Variants in IGSF11 observed in about 807,000 individuals in gnomAD.
The protein encoded by IGSF11 is CXADR like 1.
In IGSF11, 22 loss-of-function variants were observed where a neutral mutation model predicts 41.0. The observed-to-expected ratio is 0.54, with a 90% CI of 0.38 to 0.77. IGSF11 has a LOEUF of 0.77. Among genes scored for constraint, IGSF11 ranks in the 30% least tolerant of loss-of-function variants. IGSF11 has a pLI of 0.00. For missense variants in IGSF11, 444 were observed against 530.8 expected (o/e 0.84, Z 1.61); for synonymous variants, 219 against 201.3 (o/e 1.09, Z -0.74).
intron 1 of IGSF11, among the ~76,000 whole-genome samples, chr3:119,083,528 ACACACACAAAC>A (rs2076619718): frequency 1.0e-4 from 12 of 114,904 alleles, no homozygotes; most frequent in African/African-American, 3.4e-4. Context: ...ACACACACAC[ACACACACAAAC>A]ACACACACAC....
At chr3:118,962,299 CTATAATT>C (rs1945386747) in intron 1 of IGSF11, among the ~76,000 whole-genome samples, 1 of 152,078 alleles carries the variant, frequency 6.6e-6, no homozygotes, top group African/African-American at 2.4e-5. Context: ...AATTACATGA[CTATAATT>C]TATAAGTTTT....
intron 1 of IGSF11, among the ~76,000 whole-genome samples, chr3:119,032,714 C>G (rs559589628): frequency 1.3e-5 from 2 of 152,328 alleles, no homozygotes; most frequent in East Asian, 3.9e-4. Flanking sequence ...AAAAAGTAAA[C>G]TTTTCCAAGA....
intron 4 of IGSF11, among the ~76,000 whole-genome samples, chr3:118,922,712 C>T (rs1941929805): frequency 6.6e-6 from 1 of 152,048 alleles, no homozygotes; most frequent in Admixed American, 6.6e-5. Context: ...ATTTTATAAG[C>T]AACAGAAATT....
At position 118,902,466 on chromosome 3, in the gene IGSF11, C is replaced by CCA; in HGVS notation, c.*53_*54insTG. 1 of 878,260 alleles carries CCA rather than the reference C, an allele frequency of 1.1e-6. No individual in the cohort carries two copies. The highest frequency in any genetic ancestry group is 1.8e-6 in the Non-Finnish European group (1 of 544,878). The allele number at this position is 878,260 out of a possible 1,614,324, so 54.4% of individuals were successfully genotyped here. On this transcript the variant is annotated 3_prime_UTR_variant, in exon 7 of 7. Coordinates refer to ENST00000393775, the MANE Select transcript of IGSF11 (RefSeq NM_001015887.3). ...CAGCACTCCCCACCCCACCCTCCCCCTTGTATGAGGGCATTCCATTTATTC... is the reference window on the plus strand; with the variant it reads ...CAGCACTCCCCACCCCACCCTCCCCCCATTGTATGAGGGCATTCCATTTATTC...
chr3:118,903,693 A>T (rs1197625550), intron 6 of IGSF11, among the ~76,000 whole-genome samples: 1 of 152,214 alleles, frequency 6.6e-6, no homozygotes, highest in Non-Finnish European at 1.5e-5. Context: ...TTCATTTAAC[A>T]TTTATTGGGT....
At chr3:119,135,046 T>G (rs1319143720) in intron 1 of IGSF11, among the ~76,000 whole-genome samples, 2 of 152,156 alleles carry the variant, frequency 1.3e-5, no homozygotes. Flanking sequence ...CCTTACACCT[T>G]ACAGAAAAAT....
At chr3:118,957,181 G>A (rs1945021788) in intron 1 of IGSF11, among the ~76,000 whole-genome samples, 1 of 152,242 alleles carries the variant, frequency 6.6e-6, no homozygotes, top group Admixed American at 6.5e-5. Context: ...AGAAAAAAAG[G>A]TGAATTCCTC....
chr3:119,137,467 G>A (rs924287317), intron 1 of IGSF11, among the ~76,000 whole-genome samples: 17 of 152,192 alleles, frequency 1.1e-4, no homozygotes, highest in South Asian at 4.1e-4. Context: ...CATACATTGC[G>A]GAAAGGACAG....
At chr3:119,131,998 T>A (rs900453831) in intron 1 of IGSF11, among the ~76,000 whole-genome samples, 3 of 152,018 alleles carry the variant, frequency 2.0e-5, no homozygotes, top group East Asian at 1.9e-4. Flanking sequence ...GACAAGCAAA[T>A]GCTGAGAGAT....
chr3:119,061,129 T>C (rs754180321), intron 1 of IGSF11, among the ~76,000 whole-genome samples: 14 of 152,198 alleles, frequency 9.2e-5, no homozygotes, highest in Non-Finnish European at 1.5e-4. Flanking sequence ...TTCACAGTTT[T>C]AATATCATTT....
intron 1 of IGSF11, among the ~76,000 whole-genome samples, chr3:119,119,446 G>T (rs2077303147): frequency 6.6e-6 from 1 of 152,138 alleles, no homozygotes; most frequent in South Asian, 2.1e-4. Flanking sequence ...CTGTCCCCAT[G>T]ATTCAATTAC....
At chr3:118,930,521 T>C (rs1489526876) in intron 1 of IGSF11, among the ~76,000 whole-genome samples, 1 of 152,242 alleles carries the variant, frequency 6.6e-6, no homozygotes, top group Non-Finnish European at 1.5e-5. Context: ...GAAGATGCTA[T>C]CTGATATGTG....
At position 119,053,710 on chromosome 3, in the gene IGSF11, G is replaced by A. The variant is rs531442042; in HGVS notation, c.49+51434C>T. ...CCAAAAAAGGCCCTGCATAGCCAAA[G>A]CAAGACTAAGCAAAAAGAACAAATC... On this transcript the variant is annotated intron_variant, in intron 1 of 6. Transcript: ENST00000354673. Among the ~76,000 whole-genome samples, 17 of 152,200 alleles carry A rather than the reference G, an allele frequency of 1.1e-4. 1 individual carries two copies. The South Asian group carries it at 2.9e-3, about 26-fold the overall frequency.
chr3:119,081,820 G>T (rs2076591815), intron 1 of IGSF11, among the ~76,000 whole-genome samples: 1 of 152,156 alleles, frequency 6.6e-6, no homozygotes, highest in Non-Finnish European at 1.5e-5. Context: ...ATAAATCTAT[G>T]TCTGGTGGAA....
intron 1 of IGSF11, among the ~76,000 whole-genome samples, chr3:119,104,134 T>A (rs1016652710): frequency 4.6e-5 from 7 of 152,160 alleles, no homozygotes. Context: ...CAATTTCCAA[T>A]CCCCTCCTCA....
At chr3:118,912,326 G>T (rs1205702709) in intron 4 of IGSF11, among the ~76,000 whole-genome samples, 1 of 152,096 alleles carries the variant, frequency 6.6e-6, no homozygotes, top group African/African-American at 2.4e-5. Flanking sequence ...ATCCTTGGTT[G>T]CCAAGAAGCT....
At chr3:119,038,860 G>T (rs1040119675), upstream of IGSF11, among the ~76,000 whole-genome samples, 13 of 152,134 alleles carry the variant, frequency 8.5e-5, no homozygotes, top group Admixed American at 8.5e-4. Context: ...GTGCAGTTCA[G>T]ACTTTCACTT....
At chr3:119,087,731 T>C (rs893371658) in intron 1 of IGSF11, among the ~76,000 whole-genome samples, 1 of 152,038 alleles carries the variant, frequency 6.6e-6, no homozygotes, top group Non-Finnish European at 1.5e-5. Context: ...CACAACTTAT[T>C]TATGTAACCA....
chr3:118,936,231 G>A (rs1943264712), intron 1 of IGSF11, among the ~76,000 whole-genome samples: 1 of 152,124 alleles, frequency 6.6e-6, no homozygotes, highest in Non-Finnish European at 1.5e-5. Flanking sequence ...CTTAGGCTGG[G>A]TGCAGTGGCT....
Sources: gnomAD v4.1 joint callset for allele counts (sites outside exome capture counted in the v4.1 genomes callset) on GRCh38, gnomAD v4.1.1 for gene constraint, MANE v1.5 for transcripts, NCBI Gene and HGNC (gene_info 2026-07-23, HGNC 2026-07-21) for gene names.